CDC42SE2: variants seen among roughly 807,000 people sequenced by gnomAD.
The protein encoded by CDC42SE2 is CDC42 small effector 2.
CDC42SE2 carries 3 observed loss-of-function variants against 11.5 expected under a neutral mutation model. The ratio of observed to expected loss-of-function variants is 0.26; its 90% CI spans 0.12 to 0.67. The LOEUF (loss-of-function observed/expected upper bound fraction) is 0.67. Ranked by LOEUF, CDC42SE2 falls within the 30% of genes least tolerant of loss-of-function variation. The pLI is 0.80. For missense variants in CDC42SE2, 82 were observed against 106.8 expected (o/e 0.77, Z 1.02); for synonymous variants, 33 against 34.8 (o/e 0.95, Z 0.18).
chr5:131,236,981 A>G, the CDC42SE2 span, among the ~76,000 whole-genome samples: 1 of 152,186 alleles, frequency 6.6e-6, no homozygotes, highest in Non-Finnish European at 1.5e-5. Flanking sequence ...CCTCTATTTC[A>G]TATTTTTTCC....
At chr5:131,319,188 T>C (rs1232563430) in intron 2 of CDC42SE2, among the ~76,000 whole-genome samples, 6 of 151,862 alleles carry the variant, frequency 4.0e-5, no homozygotes, top group African/African-American at 1.5e-4. Context: ...GAGTTGGGGG[T>C]GTAAGGTAGG....
intron 2 of CDC42SE2, among the ~76,000 whole-genome samples, chr5:131,356,668 C>G (rs1749558192): frequency 6.6e-6 from 1 of 152,134 alleles, no homozygotes; most frequent in Admixed American, 6.6e-5. Flanking sequence ...GTCTATAATG[C>G]CAGCACTTTG....
At chr5:131,236,512 C>T in the CDC42SE2 span, among the ~76,000 whole-genome samples, 1 of 151,984 alleles carries the variant, frequency 6.6e-6, no homozygotes, top group Non-Finnish European at 1.5e-5. Context: ...CTGCAGTCTC[C>T]GCTTCCTAGG....
At chr5:131,360,947 C>G (rs1749687600) in intron 3 of CDC42SE2, among the ~76,000 whole-genome samples, 1 of 151,618 alleles carries the variant, frequency 6.6e-6, no homozygotes, top group Non-Finnish European at 1.5e-5. Context: ...TTTTCTAACT[C>G]TATTGGTGAT....
chr5:131,212,354 C>T, the CDC42SE2 span, among the ~76,000 whole-genome samples: 3 of 152,152 alleles, frequency 2.0e-5, no homozygotes, highest in African/African-American at 7.2e-5. Context: ...GTGATCCATC[C>T]GCCTTGGCCT....
intron 2 of CDC42SE2, among the ~76,000 whole-genome samples, chr5:131,340,121 C>T (rs545591938): frequency 1.1e-4 from 17 of 152,314 alleles, no homozygotes; most frequent in Admixed American, 2.6e-4. Context: ...TTCTATACTT[C>T]GCTAAACTGT....
At chr5:131,241,039 C>T (rs756383116), upstream of CDC42SE2, among the ~76,000 whole-genome samples, 16 of 152,046 alleles carry the variant, frequency 1.1e-4, no homozygotes, top group South Asian at 2.1e-4. Context: ...AGTGCAGTGG[C>T]GCGATCTCGG....
At chr5:131,389,162 A>G (rs1750577184) in intron 4 of CDC42SE2, among the ~76,000 whole-genome samples, 1 of 152,136 alleles carries the variant, frequency 6.6e-6, no homozygotes, top group Admixed American at 6.6e-5. Flanking sequence ...AGCCAGGCCT[A>G]AAATATCTAT....
At chr5:131,217,381 G>A in the CDC42SE2 span, among the ~76,000 whole-genome samples, 10 of 152,286 alleles carry the variant, frequency 6.6e-5, no homozygotes, top group African/African-American at 2.4e-4. Flanking sequence ...TGGCAATTTA[G>A]AGCATTCCAA....
At position 131,365,783 on chromosome 5, in the gene CDC42SE2, C is replaced by G. The variant is rs187180420; in HGVS notation, c.54+6236C>G. Among the ~76,000 whole-genome samples, 505 of 152,224 alleles carry G rather than the reference C, an allele frequency of 3.3e-3. 3 individuals carry two copies. Among genetic ancestry groups the G allele is most frequent in the African/African-American group, 0.011 (469 of 41,530 alleles). On this transcript the variant is annotated intron_variant, in intron 3 of 4. Coordinates refer to ENST00000505065, the MANE Select transcript of CDC42SE2 (RefSeq NM_001375635.1). ...GGATCACGAGGTCAGAAGATCGAGACCATCCTGGCTAATGTGGTGAAACCC... is the reference window on the plus strand; with the variant it reads ...GGATCACGAGGTCAGAAGATCGAGAGCATCCTGGCTAATGTGGTGAAACCC...
At chr5:131,309,428 G>C (rs188207258) in intron 1 of CDC42SE2, among the ~76,000 whole-genome samples, 19 of 152,144 alleles carry the variant, frequency 1.2e-4, no homozygotes, top group Non-Finnish European at 2.1e-4. Flanking sequence ...GTGTCTCTGC[G>C]CGGCGTTGGT....
intron 1 of CDC42SE2, among the ~76,000 whole-genome samples, chr5:131,270,295 G>A (rs1580722477): frequency 6.7e-6 from 1 of 150,332 alleles, no homozygotes; most frequent in Admixed American, 6.6e-5. Flanking sequence ...GAATGGCATG[G>A]ACCCGGGAGG....
chr5:131,228,890 A>G, the CDC42SE2 span, among the ~76,000 whole-genome samples: 1 of 152,214 alleles, frequency 6.6e-6, no homozygotes, highest in East Asian at 1.9e-4. Flanking sequence ...CTCTCACCAG[A>G]AACTAAATTG....
At chr5:131,332,020 A>G (rs926901492) in intron 2 of CDC42SE2, among the ~76,000 whole-genome samples, 7 of 152,050 alleles carry the variant, frequency 4.6e-5, no homozygotes, top group African/African-American at 1.4e-4. Context: ...ACAACGTGCA[A>G]GTTTGTTACA....
At chr5:131,390,419 T>C (rs963225088) in intron 4 of CDC42SE2, among the ~76,000 whole-genome samples, 66 of 152,198 alleles carry the variant, frequency 4.3e-4, no homozygotes, top group African/African-American at 1.6e-3. Context: ...GTGCGGTGGC[T>C]CATGCCTGTA....
At chr5:131,375,414 G>T (rs1386301136) in intron 3 of CDC42SE2, among the ~76,000 whole-genome samples, 1 of 152,098 alleles carries the variant, frequency 6.6e-6, no homozygotes, top group Non-Finnish European at 1.5e-5. Context: ...ATTTATTTAT[G>T]AATATTTCCA....
chr5:131,372,785 C>A (rs1750048114), intron 3 of CDC42SE2, among the ~76,000 whole-genome samples: 1 of 151,856 alleles, frequency 6.6e-6, no homozygotes, highest in African/African-American at 2.4e-5. Context: ...ACTGTTTGAC[C>A]TTGGGCAGAT....
chr5:131,214,559 T>A, the CDC42SE2 span, among the ~76,000 whole-genome samples: 2 of 152,284 alleles, frequency 1.3e-5, no homozygotes, highest in South Asian at 4.1e-4. Context: ...TTAGATAGGA[T>A]TCCCAGAGAA....
intron 1 of CDC42SE2, among the ~76,000 whole-genome samples, chr5:131,313,308 T>TATCC (rs1426281009): frequency 6.6e-6 from 1 of 152,132 alleles, no homozygotes; most frequent in African/African-American, 2.4e-5. Context: ...TCTGTTTGGA[T>TATCC]GCCTTTTATT....
Sources: allele counts gnomAD v4.1 joint callset (sites outside exome capture counted in the v4.1 genomes callset), GRCh38; gene constraint gnomAD v4.1.1; transcripts MANE v1.5; gene names NCBI Gene and HGNC (gene_info 2026-07-23, HGNC 2026-07-21).